The following MMP16 variants were observed in gnomAD, a reference collection of about 807,000 sequenced individuals.
MMP16 encodes matrix metallopeptidase 16, also known as matrix metalloproteinase-16.
Under a neutral mutation model 67.8 loss-of-function variants are expected in MMP16, and 12 were observed. The observed-to-expected ratio is 0.18, with a 90% CI of 0.11 to 0.29. The LOEUF (loss-of-function observed/expected upper bound fraction) is 0.29, where lower values mean the gene tolerates loss of function less well. Ranked by LOEUF, MMP16 falls within the 10% of genes least tolerant of loss-of-function variation. The pLI, the probability that MMP16 is intolerant of heterozygous loss-of-function variation, is 1.00. For missense variants in MMP16, 475 were observed against 765.7 expected, an observed-to-expected ratio of 0.62 and a Z score of 4.48; for synonymous variants, 249 against 255.9, an observed-to-expected ratio of 0.97 and a Z score of 0.26.
At chr8:88,161,966 T>C (rs1259927457) in intron 4 of MMP16, among the ~76,000 whole-genome samples, 1 of 152,152 alleles carries the variant, frequency 6.6e-6, no homozygotes, top group African/African-American at 2.4e-5. Context: ...ATGAGTGCTT[T>C]ACTTCCAACT....
At chr8:88,182,817 A>C (rs989888777) in intron 3 of MMP16, among the ~76,000 whole-genome samples, 30 of 115,650 alleles carry the variant, frequency 2.6e-4, no homozygotes, top group Non-Finnish European at 2.2e-5. Context: ...AGATGGCTTC[A>C]ATAAGTGAAT....
intron 1 of MMP16, among the ~76,000 whole-genome samples, chr8:88,306,025 A>G (rs1433492903): frequency 6.6e-6 from 1 of 151,774 alleles, no homozygotes; most frequent in East Asian, 1.9e-4. Context: ...AAAAATTAAT[A>G]AAATAGACTA....
rs186770564 is a variant in MMP16 at position 88,119,879 on chromosome 8, T to G, written c.710-1018A>C. ...AATACTTGCCACAAATGCAAATATT[T>G]AATAATTTCAAGCATCATTTCTATG... is the stretch of plus-strand genomic sequence containing the variant. On this transcript the variant is annotated intron_variant, in intron 4 of 9. Coordinates refer to ENST00000286614, the MANE Select transcript of MMP16 (RefSeq NM_005941.5). Among the ~76,000 whole-genome samples the G allele has an allele frequency of 3.4e-4, 52 of 152,190 alleles. 1 individual carries two copies. The East Asian group carries it at 8.9e-3, about 26-fold the overall frequency.
rs772968248 is a variant in MMP16 at position 88,041,526 on chromosome 8, A to T, written c.1759T>A (p.Phe587Ile). 13 of 1,614,024 alleles carry T rather than the reference A, an allele frequency of 8.1e-6. No individual in the cohort carries two copies. In the African/African-American group the frequency reaches 1.6e-4, roughly 20 times the overall value. ...LLVLVYTVFQ[F>I]KRKGTPRHIL... The stretch of plus-strand genomic sequence containing the variant: ...TGGCGGGGTGTTCCTTTCCTCTTGA[A>T]CTGGAACACAGTGTAAACCAATACA... The change falls in exon 10 of 10, where the codon TTC becomes ATC. Residue 587 changes from phenylalanine (F) to isoleucine (I), a missense_variant. Physicochemically the swap from Phe to Ile is conservative, Grantham distance 21. Transcript: ENST00000286614. This position sits in a 1 kb window ranked among gnomAD's most constrained non-coding sequence, Gnocchi z 6.0.
rs2176770 is a variant in MMP16 at position 88,173,564 on chromosome 8, A to C, written c.405-5591T>G. Reference sequence around the variant, plus strand: ...GCATACTAATGTTTTATGTAAAATGATTATCGGTTAAATAGAATTTACTAC... The same window carrying C: ...GCATACTAATGTTTTATGTAAAATGCTTATCGGTTAAATAGAATTTACTAC... On this transcript the variant is annotated intron_variant, in intron 3 of 9. Coordinates refer to ENST00000286614, the MANE Select transcript of MMP16 (RefSeq NM_005941.5). Among the ~76,000 whole-genome samples, 828 of 152,298 alleles carry C rather than the reference A, an allele frequency of 5.4e-3. 1 individual carries two copies. The highest frequency in any genetic ancestry group is 8.8e-3 in the Non-Finnish European group (597 of 68,010).
At chr8:88,062,057 T>C (rs1430815735) in intron 7 of MMP16, among the ~76,000 whole-genome samples, 1 of 152,266 alleles carries the variant, frequency 6.6e-6, no homozygotes, top group East Asian at 1.9e-4. Context: ...TGAGTATCTG[T>C]GGCATAGAAT....
At position 88,174,165 on chromosome 8, in the gene MMP16, G is replaced by A. The variant is rs116588434; in HGVS notation, c.405-6192C>T. 8.7e-3 allele frequency among the ~76,000 whole-genome samples: 1,325 copies of A among 152,236 alleles called. 27 individuals are homozygous for A. The highest frequency in any genetic ancestry group is 0.03 in the African/African-American group (1,247 of 41,544). On this transcript the variant is annotated intron_variant, in intron 3 of 9. Transcript: ENST00000286614. ...CATTTAAAAACAAGCGGAGCTAAAGGATTAATATACTGGAAAAATAGAAAC... is the reference window on the plus strand; with the variant it reads ...CATTTAAAAACAAGCGGAGCTAAAGAATTAATATACTGGAAAAATAGAAAC...
intron 1 of MMP16, among the ~76,000 whole-genome samples, chr8:88,303,930 A>G (rs555352982): frequency 6.6e-6 from 1 of 152,334 alleles, no homozygotes; most frequent in East Asian, 1.9e-4. Context: ...AAGGCGCAGA[A>G]CTGGGCTGAG....
chr8:88,111,242 C>A (rs933976845), intron 6 of MMP16, among the ~76,000 whole-genome samples: 1 of 151,596 alleles, frequency 6.6e-6, no homozygotes, highest in East Asian at 1.9e-4. Flanking sequence ...TTACAAGATG[C>A]CAAAATATAT....
At chr8:88,200,242 G>C (rs1809320856) in intron 1 of MMP16, among the ~76,000 whole-genome samples, 1 of 151,912 alleles carries the variant, frequency 6.6e-6, no homozygotes, top group Admixed American at 6.6e-5. Context: ...AAATAAGGAA[G>C]GTGTGATACA....
At chr8:88,298,910 G>C (rs535922071) in intron 1 of MMP16, among the ~76,000 whole-genome samples, 8 of 152,024 alleles carry the variant, frequency 5.3e-5, no homozygotes, top group Non-Finnish European at 8.8e-5. Flanking sequence ...AATAGCTACT[G>C]AGTTTTTAAT....
At chr8:88,195,955 T>C (rs974980671) in intron 2 of MMP16, among the ~76,000 whole-genome samples, 1 of 152,132 alleles carries the variant, frequency 6.6e-6, no homozygotes, top group African/African-American at 2.4e-5. Context: ...GATGGCAAAA[T>C]TTTGAAATTA....
intron 9 of MMP16, among the ~76,000 whole-genome samples, chr8:88,046,378 A>T (rs913399505): frequency 1.3e-5 from 2 of 152,194 alleles, no homozygotes; most frequent in Admixed American, 6.5e-5. Context: ...TCTTTACAGG[A>T]ATTTTAATAG....
intron 6 of MMP16, 144 bp downstream of exon 6, chr8:88,116,363 A>G (rs1177331638): frequency 2.8e-6 from 2 of 704,130 alleles, no homozygotes; most frequent in East Asian, 5.5e-5. Context: ...CCATTTGTGC[A>G]TTTATTTTTT....
chr8:88,279,106 C>CA (rs1810693016), intron 1 of MMP16, among the ~76,000 whole-genome samples: 1 of 151,800 alleles, frequency 6.6e-6, no homozygotes, highest in African/African-American at 2.4e-5. Flanking sequence ...CCTGTAGTCC[C>CA]AGCCACTAAG....
At chr8:88,042,235 T>C (rs547177106) in intron 9 of MMP16, among the ~76,000 whole-genome samples, 35 of 152,296 alleles carry the variant, frequency 2.3e-4, no homozygotes, top group Non-Finnish European at 4.4e-4. Flanking sequence ...ACTGGGAACA[T>C]TGTTCAATAT....
intron 6 of MMP16, among the ~76,000 whole-genome samples, chr8:88,101,402 G>C (rs193049356): frequency 1.3e-5 from 2 of 151,894 alleles, no homozygotes; most frequent in Non-Finnish European, 2.9e-5. Flanking sequence ...ATTTCTAATA[G>C]TAACTGCAAA....
At chr8:88,222,292 C>G (rs901748988) in intron 1 of MMP16, among the ~76,000 whole-genome samples, 6 of 151,518 alleles carry the variant, frequency 4.0e-5, no homozygotes, top group African/African-American at 1.5e-4. Flanking sequence ...TTTTACCAGG[C>G]AGAATCCTCG....
chr8:88,049,234 T>A (rs1265958775), intron 8 of MMP16, among the ~76,000 whole-genome samples: 2 of 152,318 alleles, frequency 1.3e-5, no homozygotes, highest in African/African-American at 4.8e-5. Flanking sequence ...GACAATGAAG[T>A]GGAATCATTA....
Sources: allele counts gnomAD v4.1 joint callset (sites outside exome capture counted in the v4.1 genomes callset), GRCh38; gene constraint gnomAD v4.1.1; non-coding constraint Gnocchi (gnomAD v3.1); transcripts MANE v1.5; gene names NCBI Gene and HGNC (gene_info 2026-07-23, HGNC 2026-07-21).